PPP1R14A: variants seen among roughly 807,000 people sequenced by gnomAD.
PPP1R14A encodes the protein protein phosphatase 1 regulatory subunit 14A.
PPP1R14A carries 9 observed loss-of-function variants against 14.1 expected under a neutral mutation model. The observed-to-expected ratio is 0.64, with a 90% CI of 0.38 to 1.11. The LOEUF is 1.11. Among genes scored for constraint, PPP1R14A ranks in the 50% most tolerant of loss-of-function variants. PPP1R14A has a pLI of 0.01. For synonymous variants in PPP1R14A, 93 were observed against 88.7 expected, an observed-to-expected ratio of 1.05 and a Z score of -0.27; for missense variants, 208 against 200.7, an observed-to-expected ratio of 1.04 and a Z score of -0.22.
rs937004010 is a variant in PPP1R14A at position 38,251,322 on chromosome 19, G to A, written c.440C>T (p.Pro147Leu). ...PLQDRARTAHP is the reference protein window; with the variant it reads ...PLQDRARTAHL ...GGCAGGGAGAGTGCAAGAGGGTCAGGGGTGAGCAGTCCGGGCCCGGTCCTG... is the reference window on the plus strand; with the variant it reads ...GGCAGGGAGAGTGCAAGAGGGTCAGAGGTGAGCAGTCCGGGCCCGGTCCTG... The change falls in exon 4 of 4, where the codon CCC becomes CTC. Residue 147 changes from proline to leucine, a missense_variant. By Grantham distance (98) the Pro-to-Leu change is moderately conservative. Transcript: ENST00000301242. 14 of 1,501,612 alleles carry A rather than the reference G, an allele frequency of 9.3e-6. No individual in the cohort carries two copies. In the East Asian group the frequency reaches 3.8e-4, roughly 40 times the overall value. The allele number at this position is 1,501,612 out of a possible 1,614,324, so 93.0% of individuals were successfully genotyped here.
chr19:38,255,396 G>A (rs1420601216), intron 1 of PPP1R14A, among the ~76,000 whole-genome samples: 5 of 152,230 alleles, frequency 3.3e-5, no homozygotes, highest in South Asian at 2.1e-4. Context: ...CACAAAATGC[G>A]TGAGCCACTG....
At chr19:38,254,758 G>C (rs143832963) in intron 1 of PPP1R14A, among the ~76,000 whole-genome samples, 2 of 152,332 alleles carry the variant, frequency 1.3e-5, no homozygotes, top group East Asian at 1.9e-4. Flanking sequence ...TTCTGCAGTT[G>C]TATGTCCACC....
At position 38,256,254 on chromosome 19, in the gene PPP1R14A, C is replaced by G; in HGVS notation, c.86G>C (p.Gly29Ala). 1 of 1,549,170 alleles carries G rather than the reference C, an allele frequency of 6.5e-7. No individual in the cohort carries two copies. The highest frequency in any genetic ancestry group is 8.7e-7 in the Non-Finnish European group (1 of 1,152,672). The change falls in exon 1 of 4, where the codon GGG (glycine) becomes GCG (alanine). Residue 29 changes from glycine (G) to alanine (A), a missense_variant. Transcript: ENST00000301242. The surrounding 1 kb of genome is among the most constrained non-coding windows in gnomAD (Gnocchi z 5.7). The part of the protein sequence containing the change: ...RARGPGGSPG[G>A]LQKRHARVTV... ...GACGCGCGCGTGCCGCTTCTGCAGC[C>G]CCCCGGGACTGCCCCCTGGCCCGCG...
chr19:38,256,309 G>A lies in PPP1R14A; in HGVS notation c.31C>T (p.Leu11=). The A allele has an allele frequency of 6.6e-7, 1 of 1,523,804 alleles. No homozygotes were observed. The highest frequency in any genetic ancestry group is 8.8e-7 in the Non-Finnish European group (1 of 1,141,274). 94.4% of individuals were successfully genotyped at this position (1,523,804 alleles called of 1,614,324 possible). ...CGCGATGGAGACTGCAGCTTGCTCA[G>A]CACGCGCTTGCCCAGCCGCTGAGCT... MAAQRLGKRV[L]SKLQSPSRAR... Residue 11 remains leucine (L), a synonymous_variant, in exon 1 of 4, where the codon CTG becomes TTG. Coordinates refer to ENST00000301242, the MANE Select transcript of PPP1R14A (RefSeq NM_033256.3). The surrounding 1 kb of genome is among the most constrained non-coding windows in gnomAD (Gnocchi z 5.7).
rs1012206351 is a variant in PPP1R14A, at chr19:38,252,500, G to A, written c.283-162C>T. Reference sequence around the variant, plus strand: ...TTCAAGAGAGGAACAGAGCCCAAGGGGCATGTGGATCGACTCAGGGCAGGG... The same window carrying A: ...TTCAAGAGAGGAACAGAGCCCAAGGAGCATGTGGATCGACTCAGGGCAGGG... On this transcript the variant is annotated intron_variant, in intron 2 of 3. Transcript: ENST00000301242. This position sits in a 1 kb window ranked among gnomAD's most constrained non-coding sequence, Gnocchi z 4.1. Among the ~76,000 whole-genome samples, 4 of 152,134 alleles carry A rather than the reference G, an allele frequency of 2.6e-5. No homozygotes were observed. The highest frequency in any genetic ancestry group is 7.2e-5 in the African/African-American group (3 of 41,422).
intron 1 of PPP1R14A, among the ~76,000 whole-genome samples, chr19:38,254,049 T>A (rs1337211370): frequency 6.6e-6 from 1 of 152,174 alleles, no homozygotes; most frequent in Admixed American, 6.5e-5. Context: ...TTCACCTGTA[T>A]GGGCCCAGGT....
intron 3 of PPP1R14A, chr19:38,251,926 G>C (rs939689502): frequency 5.3e-6 from 2 of 374,214 alleles, no homozygotes; most frequent in African/African-American, 4.1e-5. Context: ...GGGCCGCTCA[G>C]CTTCAGGGCC....
Position 38,252,068 on chromosome 19 carries a change from G to A in PPP1R14A, c.315+238C>T. 1 of 579,868 alleles carries A rather than the reference G, an allele frequency of 1.7e-6. No individual in the cohort carries two copies. The highest frequency in any genetic ancestry group is 3.1e-6 in the Non-Finnish European group (1 of 325,224). 35.9% of individuals were successfully genotyped at this position (579,868 alleles called of 1,614,324 possible). On this transcript the variant is annotated intron_variant, in intron 3 of 3. Coordinates refer to ENST00000301242, the MANE Select transcript of PPP1R14A (RefSeq NM_033256.3). The surrounding 1 kb of genome is among the most constrained non-coding windows in gnomAD (Gnocchi z 4.1). ...ACAGGCACAGGAGAGGCAAAAACAG[G>A]GCAGATGGGGGAGGACAGAATGGAG...
chr19:38,255,292 TAA>T (rs909116394), intron 1 of PPP1R14A, among the ~76,000 whole-genome samples: 5 of 152,238 alleles, frequency 3.3e-5, no homozygotes, highest in African/African-American at 7.2e-5. Flanking sequence ...CACGCCCGGC[TAA>T]GTTTTAAGAT....
Position 38,252,830 on chromosome 19 carries a change from A to ACTATTG in PPP1R14A, c.282+58_282+63dup. ...TAGTGAGCACTCAGTAAACACGTGA[A>ACTATTG]CTATTGCTATTATTTTTAGGGAGGT... On this transcript the variant is annotated intron_variant, in intron 2 of 3. Coordinates refer to ENST00000301242, the MANE Select transcript of PPP1R14A (RefSeq NM_033256.3). The surrounding 1 kb of genome is among the most constrained non-coding windows in gnomAD (Gnocchi z 4.1). 1 of 1,173,240 alleles carries ACTATTG rather than the reference A, an allele frequency of 8.5e-7. No individual in the cohort carries two copies. Among genetic ancestry groups the ACTATTG allele is most frequent in the Non-Finnish European group, 1.3e-6 (1 of 778,422 alleles). The allele number at this position is 1,173,240 out of a possible 1,614,324, so 72.7% of individuals were successfully genotyped here.
At position 38,252,751 on chromosome 19, in the gene PPP1R14A, G is replaced by C. The variant is rs1304984534; in HGVS notation, c.282+143C>G. ...ACTAGCGCCTGCTTCGGAGGGTTTT[G>C]TGAGGGTTAAGTGAGTGAATACATG... On this transcript the variant is annotated intron_variant, in intron 2 of 3. Coordinates refer to ENST00000301242, the MANE Select transcript of PPP1R14A (RefSeq NM_033256.3). This position sits in a 1 kb window ranked among gnomAD's most constrained non-coding sequence, Gnocchi z 4.1. 1.4e-5 allele frequency: 10 copies of C among 729,222 alleles called. No individual in the cohort carries two copies. In the East Asian group the frequency reaches 2.4e-4, roughly 18 times the overall value. 45.2% of individuals were successfully genotyped at this position (729,222 alleles called of 1,614,324 possible).
In PPP1R14A at chr19:38,251,303, G is replaced by C. The variant is rs754060330; in HGVS notation, c.*15C>G. ...AGCTGGGCGGCGTCCGGGGGGCAGG[G>C]AGAGTGCAAGAGGGTCAGGGGTGAG... On this transcript the variant is annotated 3_prime_UTR_variant, in exon 4 of 4. Transcript: ENST00000301242. The C allele has an allele frequency of 6.8e-7, 1 of 1,460,560 alleles. No individual in the cohort carries two copies. The highest frequency in any genetic ancestry group is 3.2e-5 in the Admixed American group (1 of 30,808). The allele number at this position is 1,460,560 out of a possible 1,614,324, so 90.5% of individuals were successfully genotyped here. A position where few individuals can be genotyped will look rare whatever the true frequency, so the allele number is the denominator to read the frequency against.
intron 1 of PPP1R14A, among the ~76,000 whole-genome samples, chr19:38,254,824 G>T (rs1385626336): frequency 6.6e-6 from 1 of 151,812 alleles, no homozygotes; most frequent in East Asian, 2.0e-4. Flanking sequence ...ACGGAGTTTC[G>T]CTCTTGTTGC....
intron 3 of PPP1R14A, 69 bp from the exon 4 acceptor site, chr19:38,251,515 A>AG: frequency 7.0e-7 from 1 of 1,436,798 alleles, no homozygotes; most frequent in Non-Finnish European, 9.1e-7. Flanking sequence ...TGTCCAGCCC[A>AG]GTCCCTGACC....
At position 38,256,294 on chromosome 19, in the gene PPP1R14A, A is replaced by G; in HGVS notation, c.46T>C (p.Ser16Pro). 6.5e-7 allele frequency: 1 copy of G among 1,537,376 alleles called. No homozygotes were observed. Among genetic ancestry groups the G allele is most frequent in the South Asian group, 1.2e-5 (1 of 84,038 alleles). ...CCTGGCCCGCGGGCCCGCGATGGAG[A>G]CTGCAGCTTGCTCAGCACGCGCTTG... The part of the protein sequence containing the change: ...LGKRVLSKLQ[S>P]PSRARGPGGS... The change falls in exon 1 of 4, where the codon TCT becomes CCT. Residue 16 changes from serine (S) to proline (P), a missense_variant. Physicochemically the swap from Ser to Pro is moderately conservative, Grantham distance 74. Transcript: ENST00000301242. The surrounding 1 kb of genome is among the most constrained non-coding windows in gnomAD (Gnocchi z 5.7).
chr19:38,251,398 G>T lies in PPP1R14A; in HGVS notation c.364C>A (p.Pro122Thr). 6.4e-7 allele frequency: 1 copy of T among 1,561,670 alleles called. No homozygotes were observed. The highest frequency in any genetic ancestry group is 8.6e-7 in the Non-Finnish European group (1 of 1,162,280). The change falls in exon 4 of 4, where the codon CCC becomes ACC. Residue 122 changes from proline (P) to threonine (T), a missense_variant. By Grantham distance (38) the Pro-to-Thr change is conservative. Coordinates refer to ENST00000301242, the MANE Select transcript of PPP1R14A (RefSeq NM_033256.3). ...LAKLQGLHRQ[P>T]GLRQPSPSHD... ...GAGGGGCTTGGCTGGCGGAGGCCGG[G>T]CTGCCTGTGGAGGCCTTGAAGCTTT... is the stretch of plus-strand genomic sequence containing the variant.
At position 38,251,261 on chromosome 19, in the gene PPP1R14A, C is replaced by G; in HGVS notation, c.*57G>C. On this transcript the variant is annotated 3_prime_UTR_variant, in exon 4 of 4. Coordinates refer to ENST00000301242, the MANE Select transcript of PPP1R14A (RefSeq NM_033256.3). ...GTTATTGTTACAGAACCATTAAATACAACTTATACACAAGCAAGCTGGGCG... is the reference window on the plus strand; with the variant it reads ...GTTATTGTTACAGAACCATTAAATAGAACTTATACACAAGCAAGCTGGGCG... 1 of 1,373,816 alleles carries G rather than the reference C, an allele frequency of 7.3e-7. No individual in the cohort carries two copies. Among genetic ancestry groups the G allele is most frequent in the South Asian group, 1.8e-5 (1 of 55,786 alleles). The allele number at this position is 1,373,816 out of a possible 1,614,324, so 85.1% of individuals were successfully genotyped here. A position where few individuals can be genotyped will look rare whatever the true frequency, so the allele number is the denominator to read the frequency against.
chr19:38,252,900 T>C lies in PPP1R14A; in HGVS notation c.276A>G (p.Lys92=). Residue 92 remains lysine (K), a synonymous_variant, in exon 2 of 4, where the codon AAA becomes AAG. Transcript: ENST00000301242. The surrounding 1 kb of genome is among the most constrained non-coding windows in gnomAD (Gnocchi z 4.1). ...GACACGTCCCCCCACCTACCTGGAT[T>C]TTCCGGCTTCTCTCCTCTTCACTCT... ...ELESEEERSR[K]IQGLLKSCGK... 6.2e-7 allele frequency: 1 copy of C among 1,613,522 alleles called. No individual in the cohort carries two copies. The highest frequency in any genetic ancestry group is 2.2e-5 in the East Asian group (1 of 44,874).
intron 3 of PPP1R14A, chr19:38,251,962 T>G: frequency 2.5e-6 from 1 of 406,970 alleles, no homozygotes; most frequent in Non-Finnish European, 4.4e-6. Context: ...CCCCCAGAGG[T>G]GGGGAAGGGA....
Sources: gnomAD v4.1 joint callset for allele counts (sites outside exome capture counted in the v4.1 genomes callset) on GRCh38, gnomAD v4.1.1 for gene constraint, Gnocchi (gnomAD v3.1) non-coding constraint, MANE v1.5 for transcripts, NCBI Gene and HGNC (gene_info 2026-07-23, HGNC 2026-07-21) for gene names.